The following SORL1 variants were observed in gnomAD, a reference collection of about 807,000 sequenced individuals.
The protein encoded by SORL1 is sortilin related receptor 1, also known as sortilin-related receptor.
SORL1 carries 127 observed loss-of-function variants against 273.7 expected under a neutral mutation model. The observed-to-expected ratio is 0.46, with a 90% CI of 0.40 to 0.54. The LOEUF is 0.54. Among genes scored for constraint, SORL1 ranks in the 20% least tolerant of loss-of-function variants. The pLI, the probability that SORL1 is intolerant of heterozygous loss-of-function variation, is 0.00. For synonymous variants in SORL1, 1,031 were observed against 1,067.4 expected, an observed-to-expected ratio of 0.97 and a Z score of 0.66; for missense variants, 2,494 against 2,846.1, an observed-to-expected ratio of 0.88 and a Z score of 2.81.
chr11:121,483,664 G>A (rs181650873), intron 3 of SORL1, among the ~76,000 whole-genome samples: 1 of 152,288 alleles, frequency 6.6e-6, no homozygotes, highest in East Asian at 1.9e-4. Context: ...TTGTAGGTCA[G>A]CTCTTGGTCA....
At chr11:121,590,439 T>C (rs1418849510) in intron 30 of SORL1, 2 of 501,768 alleles carry the variant, frequency 4.0e-6, no homozygotes, top group African/African-American at 3.8e-5. Context: ...TTGCAACCAG[T>C]AGCATCTGCA....
chr11:121,552,328 C>A (rs1862518758), intron 16 of SORL1, among the ~76,000 whole-genome samples: 1 of 152,230 alleles, frequency 6.6e-6, no homozygotes, highest in African/African-American at 2.4e-5. Context: ...CAGGACCAGC[C>A]AAGAATTCCA....
At chr11:121,553,532 C>T (rs953641121) in intron 16 of SORL1, among the ~76,000 whole-genome samples, 2 of 152,126 alleles carry the variant, frequency 1.3e-5, no homozygotes, top group Non-Finnish European at 2.9e-5. Context: ...AATGGTCTCT[C>T]GTCAACAAGA....
In SORL1 at chr11:121,590,117, T is replaced by C; in HGVS notation, c.4156T>C (p.Trp1386Arg). Residue 1386 changes from tryptophan (W) to arginine (R), a missense_variant, in exon 30 of 48, where the codon TGG becomes CGG. Trp to Arg is a moderately radical substitution (Grantham distance 101). Around this residue, in one of 3 missense-constraint regions of SORL1, gnomAD observed 1,609 missense variants for 1,816.4 expected, o/e 0.89. Coordinates refer to ENST00000260197, the MANE Select transcript of SORL1 (RefSeq NM_003105.6). ...GAATGGCCACTGCATCCCCAACAGA[T>C]GGAAATGTGACAGGGAGAACGACTG... ...CENGHCIPNR[W>R]KCDRENDCGD... 6.2e-7 allele frequency: 1 copy of C among 1,614,058 alleles called. No individual in the cohort carries two copies.
chr11:121,544,414 T>C (rs534997649), intron 13 of SORL1, among the ~76,000 whole-genome samples: 1 of 152,350 alleles, frequency 6.6e-6, no homozygotes, highest in South Asian at 2.1e-4. Context: ...AGTGTATGCA[T>C]AACTTTGTGT....
At position 121,591,090 on chromosome 11, in the gene SORL1, A is replaced by T. The variant is rs146353234; in HGVS notation, c.4303A>T (p.Thr1435Ser). 738 of 1,614,116 alleles carry T rather than the reference A, an allele frequency of 4.6e-4. No homozygotes were observed. The highest frequency in any genetic ancestry group is 5.0e-4 in the Non-Finnish European group (593 of 1,180,006). The change falls in exon 31 of 48, where the codon ACC becomes TCC. Residue 1435 changes from threonine (T) to serine (S), a missense_variant. Coordinates refer to ENST00000260197, the MANE Select transcript of SORL1 (RefSeq NM_003105.6). The stretch of plus-strand genomic sequence containing the variant: ...CAGCAGTGGGACCTGCGTGATGGAC[A>T]CCTGGGTGTGCGACGGGTACCGAGA... ...RCSSGTCVMDTWVCDGYRDCA... is the reference protein window; with the variant it reads ...RCSSGTCVMDSWVCDGYRDCA...
intron 14 of SORL1, among the ~76,000 whole-genome samples, chr11:121,549,352 A>C (rs184326195): frequency 2.9e-3 from 439 of 152,166 alleles, no homozygotes; most frequent in African/African-American, 0.01. Flanking sequence ...CCTCCCAAGT[A>C]GCTGGGACCA....
At chr11:121,608,216 A>G (rs1863507913) in intron 38 of SORL1, 40 bp downstream of exon 38, 1 of 1,495,764 alleles carries the variant, frequency 6.7e-7, no homozygotes, top group East Asian at 2.3e-5. Flanking sequence ...AGAAAATATT[A>G]TACAAACCCT....
chr11:121,477,733 G>A (rs1861297157), intron 2 of SORL1, among the ~76,000 whole-genome samples: 1 of 152,124 alleles, frequency 6.6e-6, no homozygotes, highest in African/African-American at 2.4e-5. Flanking sequence ...TGGGATGTTT[G>A]AAAGAGATCT....
At chr11:121,458,509 T>C (rs1162578942) in intron 1 of SORL1, among the ~76,000 whole-genome samples, 1 of 152,162 alleles carries the variant, frequency 6.6e-6, no homozygotes, top group Non-Finnish European at 1.5e-5. Context: ...TCTCCAGAGG[T>C]GGTCTGGGCT....
At chr11:121,528,816 C>T (rs1862160660) in intron 11 of SORL1, among the ~76,000 whole-genome samples, 1 of 152,112 alleles carries the variant, frequency 6.6e-6, no homozygotes, top group Non-Finnish European at 1.5e-5. Context: ...ATATCACGTG[C>T]ACTGGGAAGG....
intron 26 of SORL1, 96 bp from the exon 27 acceptor site, chr11:121,586,126 A>C (rs1863102083): frequency 2.2e-6 from 2 of 924,108 alleles, no homozygotes; most frequent in Non-Finnish European, 3.6e-6. Context: ...TGCCCTCCCC[A>C]GTGGTGGTAC....
At chr11:121,602,502 A>G (rs1402605531) in intron 32 of SORL1, among the ~76,000 whole-genome samples, 5 of 152,198 alleles carry the variant, frequency 3.3e-5, no homozygotes, top group Non-Finnish European at 5.9e-5. Context: ...CTAGGAAAAT[A>G]TCCCTGGATC....
In SORL1 at chr11:121,563,664, A is replaced by G. The variant is rs905164778; in HGVS notation, c.3050-3276A>G. Among the ~76,000 whole-genome samples the G allele has an allele frequency of 2.6e-5, 4 of 152,212 alleles. No individual in the cohort carries two copies. Among genetic ancestry groups the G allele is most frequent in the Non-Finnish European group, 4.4e-5 (3 of 68,024 alleles). ...GCACGCCCCGGCCTCCCAAAGTGCT[A>G]GGATTTACAGGTGTGAGCCACTGTG... On this transcript the variant is annotated intron_variant, in intron 21 of 47. Coordinates refer to ENST00000260197, the MANE Select transcript of SORL1 (RefSeq NM_003105.6). This position sits in a 1 kb window ranked among gnomAD's most constrained non-coding sequence, Gnocchi z 4.2.
intron 3 of SORL1, among the ~76,000 whole-genome samples, chr11:121,481,335 C>T (rs1338990059): frequency 7.8e-6 from 1 of 128,564 alleles, no homozygotes; most frequent in Non-Finnish European, 1.6e-5. Context: ...GCACAGATAC[C>T]TATAAGCAAG....
intron 25 of SORL1, among the ~76,000 whole-genome samples, chr11:121,580,310 T>C (rs925595294): frequency 1.3e-5 from 2 of 152,188 alleles, no homozygotes; most frequent in Admixed American, 1.3e-4. Flanking sequence ...CCTCCTGTTT[T>C]TATATTTGCT....
chr11:121,496,598 A>T (rs1861632347), intron 5 of SORL1, among the ~76,000 whole-genome samples: 1 of 152,230 alleles, frequency 6.6e-6, no homozygotes, highest in African/African-American at 2.4e-5. Flanking sequence ...TTGTACTACT[A>T]CTTTTTGCTC....
chr11:121,553,280 C>T (rs1389210209), intron 16 of SORL1, among the ~76,000 whole-genome samples: 1 of 152,184 alleles, frequency 6.6e-6, no homozygotes, highest in Non-Finnish European at 1.5e-5. Flanking sequence ...GGGTCTTAAA[C>T]AATACCCGAT....
chr11:121,590,345 T>C, intron 30 of SORL1, 171 bp downstream of exon 30: 1 of 636,026 alleles, frequency 1.6e-6, no homozygotes, highest in Non-Finnish European at 2.7e-6. Flanking sequence ...ATAAGTGTGG[T>C]TGGTTTCTCC....
Sources: gnomAD v4.1 joint callset for allele counts (sites outside exome capture counted in the v4.1 genomes callset) on GRCh38, gnomAD v4.1.1 for gene constraint, gnomAD v4.1.1 regional missense constraint, Gnocchi (gnomAD v3.1) non-coding constraint, MANE v1.5 for transcripts, NCBI Gene and HGNC (gene_info 2026-07-23, HGNC 2026-07-21) for gene names.